Variants in WDSUB1 observed in about 807,000 individuals in gnomAD.
The protein encoded by WDSUB1 is WD repeat, SAM and U-box domain-containing protein 1.
A neutral mutation model predicts 53.9 loss-of-function variants in WDSUB1; 49 were observed. The ratio of observed to expected loss-of-function variants is 0.91; its 90% confidence interval spans 0.72 to 1.15. WDSUB1 has a LOEUF of 1.15. Among genes scored for constraint, WDSUB1 ranks in the 50% most tolerant of loss-of-function variants. The pLI, the probability that WDSUB1 is intolerant of heterozygous loss-of-function variation, is 0.00. For synonymous variants in WDSUB1, 194 were observed against 200.6 expected (o/e 0.97, Z 0.28); for missense variants, 514 against 562.0 (o/e 0.91, Z 0.86).
chr2:159,265,570 TG>T (rs1231519692), intron 5 of WDSUB1, among the ~76,000 whole-genome samples: 1 of 151,996 alleles, frequency 6.6e-6, no homozygotes, highest in Non-Finnish European at 1.5e-5. Flanking sequence ...TAGCCAAGCA[TG>T]GTGGCCTGCA....
intron 10 of WDSUB1, among the ~76,000 whole-genome samples, chr2:159,240,483 G>A (rs1388279381): frequency 6.6e-6 from 1 of 152,090 alleles, no homozygotes; most frequent in African/African-American, 2.4e-5. Flanking sequence ...TTGCCAACAC[G>A]TATTTTCCTA....
rs750566275 is a variant in WDSUB1 at position 159,279,811 on chromosome 2, G to A, written c.533C>T (p.Ala178Val). 2 of 1,609,906 alleles carry A rather than the reference G, an allele frequency of 1.2e-6. No homozygotes were observed. The highest frequency in any genetic ancestry group is 2.2e-5 in the South Asian group (2 of 90,450). Residue 178 changes from alanine (A) to valine (V), a missense_variant, in exon 3 of 11, where the codon GCA (alanine) becomes GTA (valine). Coordinates refer to ENST00000359774, the MANE Select transcript of WDSUB1 (RefSeq NM_001128212.3). The stretch of plus-strand genomic sequence containing the variant: ...GCAGCAGGTAATTCCAAGATCATGT[G>A]CTTTTTCACTATGCAGACACCTCAT... ...DKMRCLHSEK[A>V]HDLGITCCDF...
chr2:159,281,694 G>A (rs982433505), intron 2 of WDSUB1, among the ~76,000 whole-genome samples: 1 of 151,802 alleles, frequency 6.6e-6, no homozygotes. Context: ...ACTATGGGCC[G>A]GGCGCAGTGG....
intron 2 of WDSUB1, among the ~76,000 whole-genome samples, chr2:159,280,483 A>G (rs891474279): frequency 1.3e-5 from 2 of 151,490 alleles, no homozygotes; most frequent in African/African-American, 2.4e-5. Context: ...CGAGGTCAGG[A>G]GATCGAGACC....
chr2:159,240,870 G>A (rs1344955305), intron 10 of WDSUB1, among the ~76,000 whole-genome samples: 1 of 152,150 alleles, frequency 6.6e-6, no homozygotes, highest in African/African-American at 2.4e-5. Flanking sequence ...CATTGGACAG[G>A]TAAACAGCAG....
intron 10 of WDSUB1, among the ~76,000 whole-genome samples, chr2:159,237,565 G>T (rs553148676): frequency 2.0e-4 from 30 of 152,026 alleles, no homozygotes; most frequent in Middle Eastern, 3.4e-3. Context: ...ACCTTCAGAG[G>T]GGTCTAATCT....
intron 6 of WDSUB1, among the ~76,000 whole-genome samples, chr2:159,259,320 C>G (rs577039018): frequency 6.6e-6 from 1 of 152,162 alleles, no homozygotes; most frequent in East Asian, 1.9e-4. Context: ...CCACTGCACC[C>G]GGCCACAACT....
At chr2:159,260,770 C>T (rs1201040238) in intron 5 of WDSUB1, among the ~76,000 whole-genome samples, 2 of 152,040 alleles carry the variant, frequency 1.3e-5, no homozygotes, top group Non-Finnish European at 2.9e-5. Context: ...GCATTTCTAC[C>T]CCCCTTGGAA....
Position 159,248,480 on chromosome 2 carries a change from T to C in WDSUB1, c.1165A>G (p.Lys389Glu). The change falls in exon 10 of 11, where the codon AAA becomes GAA. Residue 389 changes from lysine (K) to glutamate (E), a missense_variant. Coordinates refer to ENST00000359774, the MANE Select transcript of WDSUB1 (RefSeq NM_001128212.3). ...ACCTTGGTCCTGAGCTCTTCAATTT[T>C]CCTCAGCACTTTACTACGCAGTCCT... ...SLGLRSKVLRKIEELRTKVKS... is the reference protein window; with the variant it reads ...SLGLRSKVLREIEELRTKVKS... 1 of 1,575,074 alleles carries C rather than the reference T, an allele frequency of 6.3e-7. No individual in the cohort carries two copies. Among genetic ancestry groups the C allele is most frequent in the Non-Finnish European group, 8.6e-7 (1 of 1,167,116 alleles).
intron 5 of WDSUB1, among the ~76,000 whole-genome samples, chr2:159,261,874 ATATATATATATATATATATATATTTT>A (rs1376715990): frequency 9.2e-4 from 13 of 14,082 alleles, no homozygotes; most frequent in Admixed American, 5.8e-3. Context: ...ATATATATAT[ATATATATATATATATATATATATTTT>A]TTTTTTTTTT....
chr2:159,250,385 A>G lies in WDSUB1; in HGVS notation c.1133-1873T>C, dbSNP rs117718218. Among the ~76,000 whole-genome samples the G allele has an allele frequency of 9.8e-5, 15 of 152,352 alleles. No individual in the cohort carries two copies. In the East Asian group the frequency reaches 2.7e-3, roughly 27 times the overall value. On this transcript the variant is annotated intron_variant, in intron 9 of 10. Coordinates refer to ENST00000359774, the MANE Select transcript of WDSUB1 (RefSeq NM_001128212.3). ...TGAATATGATTTTGCAAAAATATTTATAACTTAAAAAGATTCCCTCAAATT... is the reference window on the plus strand; with the variant it reads ...TGAATATGATTTTGCAAAAATATTTGTAACTTAAAAAGATTCCCTCAAATT...
intron 4 of WDSUB1, among the ~76,000 whole-genome samples, chr2:159,274,392 G>A (rs1329758377): frequency 6.6e-6 from 1 of 151,986 alleles, no homozygotes; most frequent in Non-Finnish European, 1.5e-5. Context: ...GATGGAGAGG[G>A]TAGGAAGAAA....
chr2:159,278,242 GAAC>G (rs1174425311), intron 3 of WDSUB1, among the ~76,000 whole-genome samples: 4 of 152,080 alleles, frequency 2.6e-5, no homozygotes, highest in Non-Finnish European at 5.9e-5. Flanking sequence ...AAATATCACA[GAAC>G]AATATACTAA....
chr2:159,276,493 T>A (rs1454854660), intron 3 of WDSUB1, among the ~76,000 whole-genome samples: 1 of 152,230 alleles, frequency 6.6e-6, no homozygotes, highest in Non-Finnish European at 1.5e-5. Context: ...TCACTCCATT[T>A]GGTTGAAAAT....
intron 5 of WDSUB1, among the ~76,000 whole-genome samples, chr2:159,266,289 C>T (rs113527948): frequency 0.051 from 7,735 of 151,850 alleles, 359 homozygotes; most frequent in African/African-American, 0.11. Context: ...CCCGGGTTCA[C>T]GCCACTCTCC....
rs2060613583 is a variant in WDSUB1 at position 159,240,420 on chromosome 2, C to T, written c.1274-4230G>A. 2.6e-5 allele frequency among the ~76,000 whole-genome samples: 4 copies of T among 152,254 alleles called. 1 individual carries two copies. In the South Asian group the frequency reaches 8.3e-4, roughly 32 times the overall value. ...ATTGTAATAACTTTCTGAAGAGCTT[C>T]CAGACTGTTTTCAACAGCAACCACA... On this transcript the variant is annotated intron_variant, in intron 10 of 10. Transcript: ENST00000359774.
intron 5 of WDSUB1, among the ~76,000 whole-genome samples, chr2:159,270,536 A>G (rs2061426372): frequency 6.6e-6 from 1 of 152,212 alleles, no homozygotes; most frequent in Admixed American, 6.5e-5. Context: ...AGACTCACAA[A>G]TATATTGTCA....
chr2:159,283,104 T>G lies in WDSUB1; in HGVS notation c.-24-11A>C, dbSNP rs1440416612. On this transcript the variant is annotated splice_polypyrimidine_tract_variant and intron_variant, in intron 1 of 10. Coordinates refer to ENST00000359774, the MANE Select transcript of WDSUB1 (RefSeq NM_001128212.3). ...TTGAAGAAAAACAGCCTGAAATTTT[T>G]AAGCAGATAAAGATTATTTATTCTA... The G allele has an allele frequency of 1.9e-6, 3 of 1,569,992 alleles. No homozygotes were observed. Among genetic ancestry groups the G allele is most frequent in the Non-Finnish European group, 2.6e-6 (3 of 1,156,026 alleles).
chr2:159,252,644 A>T (rs1030780954), intron 9 of WDSUB1, among the ~76,000 whole-genome samples: 7 of 152,224 alleles, frequency 4.6e-5, no homozygotes, highest in African/African-American at 1.7e-4. Context: ...ACAACAAAAA[A>T]ACTGTAAATG....
Sources: allele counts gnomAD v4.1 joint callset (sites outside exome capture counted in the v4.1 genomes callset), GRCh38; gene constraint gnomAD v4.1.1; transcripts MANE v1.5; gene names NCBI Gene and HGNC (gene_info 2026-07-23, HGNC 2026-07-21).